Variants in NCOA6 observed in about 807,000 individuals in gnomAD.
NCOA6 encodes the protein nuclear receptor coactivator 6, also known as NRC RAP250.
In NCOA6, 49 loss-of-function variants were observed where a neutral mutation model predicts 171.4. That is an observed-to-expected ratio of 0.29 (90% CI 0.23 to 0.36). The LOEUF (loss-of-function observed/expected upper bound fraction) is 0.36, where lower values mean the gene tolerates loss of function less well. Ranked by LOEUF, NCOA6 falls within the 10% of genes least tolerant of loss-of-function variation. The probability of loss-of-function intolerance (pLI) is 1.00; values close to 1 mark genes in which losing one functional copy is unlikely to be tolerated. For synonymous variants in NCOA6, 910 were observed against 927.5 expected, an observed-to-expected ratio of 0.98 and a Z score of 0.34; for missense variants, 2,248 against 2,554.5, an observed-to-expected ratio of 0.88 and a Z score of 2.59.
At chr20:34,822,879 T>C (rs1187139474) in intron 1 of NCOA6, among the ~76,000 whole-genome samples, 6 of 152,206 alleles carry the variant, frequency 3.9e-5, no homozygotes, top group Admixed American at 1.3e-4. Context: ...TATTCAAATA[T>C]GAGTGTAGGT....
At chr20:34,744,246 A>G (rs2076236759) in intron 10 of NCOA6, among the ~76,000 whole-genome samples, 1 of 152,248 alleles carries the variant, frequency 6.6e-6, no homozygotes, top group Non-Finnish European at 1.5e-5. Context: ...TCTGAAGGAC[A>G]ATGTCTTCTA....
Position 34,715,431 on chromosome 20 carries a change from C to A in NCOA6, c.6149-66G>T. 1.6e-6 allele frequency: 2 copies of A among 1,218,708 alleles called. 1 individual carries two copies. The highest frequency in any genetic ancestry group is 2.4e-5 in the South Asian group (2 of 82,150). 75.5% of individuals were successfully genotyped at this position (1,218,708 alleles called of 1,614,324 possible). Reference sequence around the variant, plus strand: ...TTTACAGCAGTGCCCTTTAGACAGTCCACAACAAGCAGGGCAGACCTAAGG... The same window carrying A: ...TTTACAGCAGTGCCCTTTAGACAGTACACAACAAGCAGGGCAGACCTAAGG... On this transcript the variant is annotated intron_variant, in intron 14 of 14. Coordinates refer to ENST00000359003, the MANE Select transcript of NCOA6 (RefSeq NM_014071.5).
chr20:34,718,494 G>A lies in NCOA6; in HGVS notation c.6149-3129C>T, dbSNP rs1483009634. Among the ~76,000 whole-genome samples the A allele has an allele frequency of 2.3e-5, 3 of 130,454 alleles. No individual in the cohort carries two copies. In the South Asian group the frequency reaches 7.4e-4, roughly 32 times the overall value. The allele number at this position is 130,454 out of a possible 152,430, so 85.6% of individuals were successfully genotyped here. Reference sequence around the variant, plus strand: ...AGGCAAATCACCTTTTTTTTTTTTTGAGATGGAGTCTTGCAAATTACTTTT... The same window carrying A: ...AGGCAAATCACCTTTTTTTTTTTTTAAGATGGAGTCTTGCAAATTACTTTT... On this transcript the variant is annotated intron_variant, in intron 14 of 14. Transcript: ENST00000359003.
intron 14 of NCOA6, among the ~76,000 whole-genome samples, chr20:34,720,193 A>G (rs1294737335): frequency 1.3e-5 from 2 of 152,272 alleles, no homozygotes; most frequent in Admixed American, 1.3e-4. Flanking sequence ...GTAAATAATG[A>G]TAAAGCAAGC....
intron 6 of NCOA6, among the ~76,000 whole-genome samples, chr20:34,758,450 T>C (rs567492514): frequency 1.3e-5 from 2 of 152,346 alleles, no homozygotes; most frequent in South Asian, 2.1e-4. Context: ...TTCTTCACTG[T>C]AGGACTTTCA....
At chr20:34,808,102 A>G (rs2078523187) in intron 1 of NCOA6, among the ~76,000 whole-genome samples, 2 of 151,456 alleles carry the variant, frequency 1.3e-5, no homozygotes. Flanking sequence ...GTGAGCCAAG[A>G]TGGTGCCACT....
At chr20:34,788,040 G>A (rs1017999732) in intron 2 of NCOA6, among the ~76,000 whole-genome samples, 1 of 151,966 alleles carries the variant, frequency 6.6e-6, no homozygotes, top group African/African-American at 2.4e-5. Flanking sequence ...CTAATTTTTT[G>A]TATTTTAGTA....
chr20:34,779,621 T>A (rs189989737), intron 3 of NCOA6, among the ~76,000 whole-genome samples: 2 of 152,374 alleles, frequency 1.3e-5, no homozygotes, highest in East Asian at 3.9e-4. Context: ...CTTCATTCAG[T>A]TATACATTCT....
At position 34,743,120 on chromosome 20, in the gene NCOA6, C is replaced by A; in HGVS notation, c.3136G>T (p.Val1046Phe). ...ACATTTTGAGAGACTGGAAGCCTAACTGATTTGGGATCCTGCTGCATCATG... is the reference window on the plus strand; with the variant it reads ...ACATTTTGAGAGACTGGAAGCCTAAATGATTTGGGATCCTGCTGCATCATG... ...MLMMQQDPKSVRLPVSQNVHP... is the reference protein window; with the variant it reads ...MLMMQQDPKSFRLPVSQNVHP... Residue 1046 changes from valine to phenylalanine, a missense_variant, in exon 11 of 15, where the codon GTT (valine) becomes TTT (phenylalanine). Transcript: ENST00000359003. 2 of 1,613,558 alleles carry A rather than the reference C, an allele frequency of 1.2e-6. No homozygotes were observed. The highest frequency in any genetic ancestry group is 1.7e-6 in the Non-Finnish European group (2 of 1,179,560).
At chr20:34,815,890 A>C (rs750808194) in intron 1 of NCOA6, among the ~76,000 whole-genome samples, 4 of 152,150 alleles carry the variant, frequency 2.6e-5, no homozygotes, top group Non-Finnish European at 4.4e-5. Context: ...ATCATATTAG[A>C]ATGTCTCTAA....
intron 2 of NCOA6, among the ~76,000 whole-genome samples, chr20:34,791,293 A>G (rs1453823938): frequency 6.6e-6 from 1 of 152,214 alleles, no homozygotes; most frequent in East Asian, 1.9e-4. Flanking sequence ...TATTTTCCCT[A>G]GGTAATTTTT....
rs750103639 is a variant in NCOA6, at chr20:34,746,849, T to C, written c.2872A>G (p.Asn958Asp). 12 of 1,609,904 alleles carry C rather than the reference T, an allele frequency of 7.5e-6. No individual in the cohort carries two copies. Among genetic ancestry groups the C allele is most frequent in the Non-Finnish European group, 9.3e-6 (11 of 1,177,520 alleles). The change falls in exon 10 of 15, where the codon AAC becomes GAC. Residue 958 changes from asparagine (N) to aspartate (D), a missense_variant. Asn to Asp is a conservative substitution (Grantham distance 23). Coordinates refer to ENST00000359003, the MANE Select transcript of NCOA6 (RefSeq NM_014071.5). ...LPGEQGINLD[N>D]SGPKLPEFSN... ...AATTCTGGCAGTTTAGGGCCTGAGT[T>C]ATCCAAGTTAATTCCTTGTTCTCCA... is the stretch of plus-strand genomic sequence containing the variant.
At chr20:34,773,929 G>A (rs2077229893) in intron 4 of NCOA6, among the ~76,000 whole-genome samples, 1 of 152,202 alleles carries the variant, frequency 6.6e-6, no homozygotes, top group South Asian at 2.1e-4. Context: ...TGGGAACAGA[G>A]ATCATCTGGG....
chr20:34,778,229 A>G (rs1157367096), intron 3 of NCOA6, among the ~76,000 whole-genome samples: 1 of 152,106 alleles, frequency 6.6e-6, no homozygotes, highest in African/African-American at 2.4e-5. Context: ...AGCCTTAAAA[A>G]GGAAGGATAT....
chr20:34,725,827 GAT>G (rs1449339300), intron 14 of NCOA6, among the ~76,000 whole-genome samples: 2 of 152,106 alleles, frequency 1.3e-5, no homozygotes, highest in African/African-American at 4.8e-5. Flanking sequence ...TTTGGTTTTA[GAT>G]ATGTTGAGTC....
At chr20:34,811,306 A>T (rs2078658166) in intron 1 of NCOA6, among the ~76,000 whole-genome samples, 1 of 148,242 alleles carries the variant, frequency 6.7e-6, no homozygotes, top group African/African-American at 2.5e-5. Context: ...GTAAAATAAA[A>T]ATACTAGAAT....
intron 11 of NCOA6, among the ~76,000 whole-genome samples, chr20:34,737,071 T>A (rs1225727937): frequency 2.0e-5 from 3 of 152,132 alleles, no homozygotes; most frequent in African/African-American, 7.2e-5. Context: ...TCCTGACCAC[T>A]ACTTGAAAAA....
intron 14 of NCOA6, among the ~76,000 whole-genome samples, chr20:34,726,811 G>T (rs1990007347): frequency 6.6e-6 from 1 of 150,470 alleles, no homozygotes. Context: ...TGGACTCAAG[G>T]CCAGGTGTGG....
intron 1 of NCOA6, among the ~76,000 whole-genome samples, chr20:34,799,016 C>A (rs1483136552): frequency 6.6e-6 from 1 of 152,000 alleles, no homozygotes; most frequent in African/African-American, 2.4e-5. Flanking sequence ...GAGACTAATT[C>A]CAGAGAGACA....
Sources: allele counts gnomAD v4.1 joint callset (sites outside exome capture counted in the v4.1 genomes callset), GRCh38; gene constraint gnomAD v4.1.1; transcripts MANE v1.5; gene names NCBI Gene and HGNC (gene_info 2026-07-23, HGNC 2026-07-21).